RPS6KA2: variants seen among roughly 807,000 people sequenced by gnomAD.
RPS6KA2 encodes the protein ribosomal protein S6 kinase alpha-2.
RPS6KA2 carries 42 observed loss-of-function variants against 91.8 expected under a neutral mutation model. The observed-to-expected ratio is 0.46, with a 90% CI of 0.36 to 0.59. The LOEUF (loss-of-function observed/expected upper bound fraction) is 0.59. Among genes scored for constraint, RPS6KA2 ranks in the 20% least tolerant of loss-of-function variants. The pLI, the probability that RPS6KA2 is intolerant of heterozygous loss-of-function variation, is 0.00. For missense variants in RPS6KA2, 798 were observed against 978.5 expected (o/e 0.82, Z 2.46); for synonymous variants, 414 against 393.6 (o/e 1.05, Z -0.61).
chr6:166,566,695 A>G (rs1784516135), intron 1 of RPS6KA2, among the ~76,000 whole-genome samples: 3 of 152,160 alleles, frequency 2.0e-5, no homozygotes, highest in Admixed American at 2.0e-4. Flanking sequence ...TAAGGGAAGC[A>G]ATTCTGTCCA....
At chr6:166,480,157 A>G (rs917491708) in intron 10 of RPS6KA2, among the ~76,000 whole-genome samples, 2 of 152,066 alleles carry the variant, frequency 1.3e-5, no homozygotes, top group African/African-American at 4.8e-5. Context: ...AAAAGTGGGA[A>G]AAACACACCC....
chr6:166,520,857 A>C (rs1782831464), intron 3 of RPS6KA2, among the ~76,000 whole-genome samples: 1 of 152,248 alleles, frequency 6.6e-6, no homozygotes, highest in South Asian at 2.1e-4. Context: ...CGATTCTCCA[A>C]GGCAACAGAA....
intron 2 of RPS6KA2, among the ~76,000 whole-genome samples, chr6:166,752,012 C>A (rs1453012210): frequency 6.6e-6 from 1 of 152,206 alleles, no homozygotes; most frequent in Non-Finnish European, 1.5e-5. Flanking sequence ...GACAAAGGGG[C>A]CAGCACAGGC....
chr6:166,636,003 A>T lies in RPS6KA2; in HGVS notation c.124-97219T>A, dbSNP rs553245122. Among the ~76,000 whole-genome samples, 9 of 152,302 alleles carry T rather than the reference A, an allele frequency of 5.9e-5. No homozygotes were observed. In the South Asian group the frequency reaches 1.9e-3, roughly 32 times the overall value. ...TCCAATCATCCACTTCTCTGCTTAT[A>T]ACTCTTCCAGGCTTCTTACTTTCTT... On this transcript the variant is annotated intron_variant, in intron 2 of 21. Transcript: ENST00000503859.
chr6:166,713,423 A>G (rs1484562515), intron 2 of RPS6KA2, among the ~76,000 whole-genome samples: 3 of 152,244 alleles, frequency 2.0e-5, no homozygotes, highest in Admixed American at 6.5e-5. Flanking sequence ...ATTGTTGTGA[A>G]CAGTTGGTGG....
intron 10 of RPS6KA2, among the ~76,000 whole-genome samples, chr6:166,476,784 A>G (rs1780990194): frequency 1.3e-5 from 2 of 152,122 alleles, no homozygotes; most frequent in Admixed American, 6.5e-5. Context: ...CAGCCCCTCA[A>G]TTGGGCCCTG....
intron 2 of RPS6KA2, among the ~76,000 whole-genome samples, chr6:166,663,054 G>C (rs1017702550): frequency 6.6e-6 from 1 of 151,944 alleles, no homozygotes; most frequent in Non-Finnish European, 1.5e-5. Flanking sequence ...AGACATTAAG[G>C]GTCTGCTGTT....
chr6:166,622,242 A>AT (rs552124804), intron 1 of RPS6KA2, among the ~76,000 whole-genome samples: 1 of 152,146 alleles, frequency 6.6e-6, no homozygotes, highest in South Asian at 2.1e-4. Context: ...TATTTCGGGG[A>AT]TTTTTCCTGA....
At position 166,500,923 on chromosome 6, in the gene RPS6KA2, T is replaced by C; in HGVS notation, c.568A>G (p.Ile190Val). ...ATGTGCCCCTCTTCATCCAGGAGGA[T>C]GCTAAAAGAAAGGGAGAGAAAACAG... ...IIYRDLKPENILLDEEGHIKI... is the reference protein window; with the variant it reads ...IIYRDLKPENVLLDEEGHIKI... Residue 190 changes from isoleucine (I) to valine (V), a missense_variant and splice_region_variant, in exon 7 of 21, where the codon ATC becomes GTC. Physicochemically the swap from Ile to Val is conservative, Grantham distance 29 (BLOSUM62 3). Coordinates refer to ENST00000265678, the MANE Select transcript of RPS6KA2 (RefSeq NM_021135.6). The surrounding 1 kb of genome is among the most constrained non-coding windows in gnomAD (Gnocchi z 4.3). The C allele has an allele frequency of 6.2e-7, 1 of 1,613,836 alleles. No individual in the cohort carries two copies. The highest frequency in any genetic ancestry group is 8.5e-7 in the Non-Finnish European group (1 of 1,179,824).
Position 166,469,828 on chromosome 6 carries a change from G to C in RPS6KA2, c.972+13C>G. The C allele has an allele frequency of 6.2e-7, 1 of 1,612,310 alleles. No homozygotes were observed. The highest frequency in any genetic ancestry group is 1.1e-5 in the South Asian group (1 of 91,056). ...CACGCGTGTGCAGGTGGGGACTGTG[G>C]CATGCAACTTACGTTCCAGTCTATG... is the stretch of plus-strand genomic sequence containing the variant. On this transcript the variant is annotated intron_variant, in intron 11 of 20. Transcript: ENST00000265678.
intron 2 of RPS6KA2, among the ~76,000 whole-genome samples, chr6:166,774,439 C>T (rs985766833): frequency 4.6e-5 from 7 of 152,150 alleles, no homozygotes; most frequent in Non-Finnish European, 7.3e-5. Flanking sequence ...CTTTACCCAG[C>T]GAGCGTCCCG....
intron 2 of RPS6KA2, among the ~76,000 whole-genome samples, chr6:166,694,797 C>A (rs760034480): frequency 6.6e-6 from 1 of 152,170 alleles, no homozygotes; most frequent in Admixed American, 6.5e-5. Context: ...CATCTTTCCA[C>A]GTTGAGAGAG....
At chr6:166,488,203 C>T (rs972227833) in intron 10 of RPS6KA2, among the ~76,000 whole-genome samples, 1 of 150,840 alleles carries the variant, frequency 6.6e-6, no homozygotes, top group Non-Finnish European at 1.5e-5. Context: ...GCTGTCTAAA[C>T]CGGAAACACC....
At chr6:166,438,658 G>C (rs2128449379) in intron 14 of RPS6KA2, among the ~76,000 whole-genome samples, 1 of 152,314 alleles carries the variant, frequency 6.6e-6, no homozygotes, top group East Asian at 1.9e-4. Flanking sequence ...GACAATTGAA[G>C]GGAAATTTAC....
At chr6:166,693,452 C>T (rs928569977) in intron 2 of RPS6KA2, among the ~76,000 whole-genome samples, 9 of 152,174 alleles carry the variant, frequency 5.9e-5, no homozygotes, top group Non-Finnish European at 1.0e-4. Flanking sequence ...AAAAAAGGAG[C>T]GTCTCAGCCG....
rs533487664 is a variant in RPS6KA2 at position 166,624,497 on chromosome 6, T to C, written c.99+2424A>G. Among the ~76,000 whole-genome samples, 6 of 152,162 alleles carry C rather than the reference T, an allele frequency of 3.9e-5. No individual in the cohort carries two copies. In the East Asian group the frequency reaches 1.2e-3, roughly 29 times the overall value. On this transcript the variant is annotated intron_variant, in intron 1 of 20. Transcript: ENST00000265678. The stretch of plus-strand genomic sequence containing the variant: ...CAAACGAACAGGCAGCCTTCTCAAG[T>C]ATGGGTAGGGCGCAGAAGAGGAACT...
chr6:166,591,856 T>C (rs1052451099), intron 1 of RPS6KA2, among the ~76,000 whole-genome samples: 3 of 152,166 alleles, frequency 2.0e-5, no homozygotes, highest in Non-Finnish European at 4.4e-5. Flanking sequence ...CAAGCCTGTG[T>C]GTATTACACA....
At chr6:166,653,991 A>G (rs1787936316) in intron 2 of RPS6KA2, among the ~76,000 whole-genome samples, 1 of 152,212 alleles carries the variant, frequency 6.6e-6, no homozygotes, top group African/African-American at 2.4e-5. Flanking sequence ...TGTGATACTG[A>G]GCAGAACTCC....
At chr6:166,439,515 A>G (rs952139340) in intron 14 of RPS6KA2, among the ~76,000 whole-genome samples, 1 of 152,254 alleles carries the variant, frequency 6.6e-6, no homozygotes, top group Non-Finnish European at 1.5e-5. Flanking sequence ...AGCTCCTGCC[A>G]TGTGCCCGAC....
Sources: allele counts gnomAD v4.1 joint callset (sites outside exome capture counted in the v4.1 genomes callset), GRCh38; gene constraint gnomAD v4.1.1; non-coding constraint Gnocchi (gnomAD v3.1); transcripts MANE v1.5; gene names NCBI Gene and HGNC (gene_info 2026-07-23, HGNC 2026-07-21).